The following COL6A2 variants were observed in gnomAD, a reference collection of about 807,000 sequenced individuals.
COL6A2 encodes the protein collagen alpha-2(VI) chain.
Under a neutral mutation model 124.9 loss-of-function variants are expected in COL6A2, and 90 were observed. The observed-to-expected ratio is 0.72, with a 90% CI of 0.61 to 0.86. The LOEUF (loss-of-function observed/expected upper bound fraction) is 0.86, where lower values mean the gene tolerates loss of function less well. Ranked by LOEUF, COL6A2 falls within the 40% of genes least tolerant of loss-of-function variation. The pLI is 0.00. For missense variants in COL6A2, 1,607 were observed against 1,502.5 expected (o/e 1.07, Z -1.15); for synonymous variants, 793 against 618.2 (o/e 1.28, Z -4.19).
In COL6A2 at chr21:46,116,447, G is replaced by C; in HGVS notation, c.927+44G>C. 1 of 1,611,612 alleles carries C rather than the reference G, an allele frequency of 6.2e-7. No individual in the cohort carries two copies. Among genetic ancestry groups the C allele is most frequent in the Non-Finnish European group, 8.5e-7 (1 of 1,179,338 alleles). On this transcript the variant is annotated intron_variant, in intron 8 of 27. Coordinates refer to ENST00000300527, the MANE Select transcript of COL6A2 (RefSeq NM_001849.4). This position sits in a 1 kb window ranked among gnomAD's most constrained non-coding sequence, Gnocchi z 4.6. ...CAGACCTCAGACCTGCGCCAGCCTC[G>C]GCCCAGACCCACCTCTTGGCGTCCG...
At chr21:46,102,402 C>T (rs1213720997) in intron 1 of COL6A2, among the ~76,000 whole-genome samples, 1 of 152,138 alleles carries the variant, frequency 6.6e-6, no homozygotes, top group Non-Finnish European at 1.5e-5. Context: ...TGCCCAATTG[C>T]TCTGGCCAGA....
At position 46,125,637 on chromosome 21, in the gene COL6A2, G is replaced by A. The variant is rs368312329; in HGVS notation, c.1969+20G>A. On this transcript the variant is annotated intron_variant, in intron 25 of 27. Transcript: ENST00000300527. ...AGACAGGTCAGCGGGGCAGGGGCGG[G>A]TGCAGCATTGCGGGGGGCCGGGCGG... 6.2e-6 allele frequency: 10 copies of A among 1,609,320 alleles called. No individual in the cohort carries two copies. In the African/African-American group the frequency reaches 8.0e-5, roughly 13 times the overall value.
chr21:46,124,820 G>C lies in COL6A2; in HGVS notation c.1735-65G>C, dbSNP rs373526415. 30 of 1,606,594 alleles carry C rather than the reference G, an allele frequency of 1.9e-5. No homozygotes were observed. In the African/African-American group the frequency reaches 3.6e-4, roughly 19 times the overall value. On this transcript the variant is annotated intron_variant, in intron 22 of 27. Transcript: ENST00000300527. ...TGGACCCACGTATCAGTGGGCAGTG[G>C]CCTGGGAGAGACTCAGCCACCCAGC...
chr21:46,129,129 C>T, intron 27 of COL6A2: 1 of 1,609,034 alleles, frequency 6.2e-7, no homozygotes, highest in Non-Finnish European at 8.5e-7. Flanking sequence ...GAGCGGCTGC[C>T]CGAGGAGGAG....
At chr21:46,127,324 G>T (rs900891233) in intron 27 of COL6A2, among the ~76,000 whole-genome samples, 70 of 152,140 alleles carry the variant, frequency 4.6e-4, no homozygotes, top group African/African-American at 1.7e-3. Flanking sequence ...CACGCGGGTC[G>T]CGGTGTGCGT....
chr21:46,110,376 A>T (rs1029636826), intron 1 of COL6A2, among the ~76,000 whole-genome samples: 1 of 152,144 alleles, frequency 6.6e-6, no homozygotes, highest in African/African-American at 2.4e-5. Flanking sequence ...AGGTTATGCA[A>T]CATTTAAAAA....
intron 1 of COL6A2, among the ~76,000 whole-genome samples, chr21:46,104,549 T>C (rs2078318130): frequency 6.6e-6 from 1 of 152,130 alleles, no homozygotes; most frequent in South Asian, 2.1e-4. Flanking sequence ...TGGGATACCA[T>C]CAAGCAAACC....
intron 18 of COL6A2, among the ~76,000 whole-genome samples, chr21:46,121,855 C>G (rs1344375908): frequency 6.6e-6 from 1 of 152,152 alleles, no homozygotes; most frequent in Non-Finnish European, 1.5e-5. Context: ...TGAGGCAGGG[C>G]CTGAGGGCAG....
intron 4 of COL6A2, chr21:46,113,026 T>G (rs2123618080): frequency 1.5e-6 from 1 of 677,510 alleles, no homozygotes; most frequent in Middle Eastern, 3.9e-4. Flanking sequence ...CCCGTGAGGG[T>G]CAGCGTTAGG....
chr21:46,117,276 C>A, intron 10 of COL6A2, 124 bp from the exon 11 acceptor site: 1 of 974,254 alleles, frequency 1.0e-6, no homozygotes, highest in Non-Finnish European at 1.6e-6. Flanking sequence ...TGTGGGCACC[C>A]GTGTGCCAGG....
At position 46,112,403 on chromosome 21, in the gene COL6A2, C is replaced by T; in HGVS notation, c.540C>T (p.Ala180=). ...CGGIKLQAER[A]REEGIRLFAV... Reference sequence around the variant, plus strand: ...GCATCAAGCTGCAGGCCGAGCGGGCCCGCGAGGAGGGCATCCGGCTCTTCG... The same window carrying T: ...GCATCAAGCTGCAGGCCGAGCGGGCTCGCGAGGAGGGCATCCGGCTCTTCG... The change falls in exon 3 of 28, where the codon GCC becomes GCT. Residue 180 remains alanine, a synonymous_variant. Transcript: ENST00000300527. The T allele has an allele frequency of 6.2e-7, 1 of 1,608,304 alleles. No individual in the cohort carries two copies. Among genetic ancestry groups the T allele is most frequent in the Admixed American group, 1.7e-5 (1 of 59,896 alleles).
intron 2 of COL6A2, 48 bp from the exon 3 acceptor site, chr21:46,111,931 C>T (rs746513358): frequency 6.4e-7 from 1 of 1,569,156 alleles, no homozygotes; most frequent in Non-Finnish European, 8.7e-7. Context: ...GGGGCTCCAA[C>T]AGCAGTCCCT....
rs1183927522 is a variant in COL6A2, at chr21:46,132,782, AGGCTCCTGACCTACCT to A, written c.*234_*249del. The A allele has an allele frequency of 5.1e-6, 3 of 589,040 alleles. No homozygotes were observed. In the African/African-American group the frequency reaches 5.6e-5, roughly 11 times the overall value. The allele number at this position is 589,040 out of a possible 1,614,324, so 36.5% of individuals were successfully genotyped here. A position where few individuals can be genotyped will look rare whatever the true frequency, so the allele number is the denominator to read the frequency against. On this transcript the variant is annotated 3_prime_UTR_variant, in exon 28 of 28. Transcript: ENST00000300527. Reference sequence around the variant, plus strand: ...CCTCCCTCCCCCTGCAGCCATCCCAAGGCTCCTGACCTACCTGGCCCCTGAGCTCTGGAGCAAGCCC... The same window carrying A: ...CCTCCCTCCCCCTGCAGCCATCCCAAGGCCCCTGAGCTCTGGAGCAAGCCC...
chr21:46,131,855 C>T, intron 27 of COL6A2, 99 bp from the exon 28 acceptor site: 4 of 1,148,150 alleles, frequency 3.5e-6, no homozygotes, highest in East Asian at 2.6e-5. Flanking sequence ...TGTGAGGTTG[C>T]AGGCAGGGTG....
chr21:46,118,264 C>G (rs183434452), intron 12 of COL6A2, among the ~76,000 whole-genome samples: 15 of 152,098 alleles, frequency 9.9e-5, no homozygotes, highest in African/African-American at 3.4e-4. Flanking sequence ...CCTCCTGGGC[C>G]GCCTGCAGTG....
chr21:46,114,633 T>G (rs1162938343), intron 5 of COL6A2, among the ~76,000 whole-genome samples: 1 of 152,242 alleles, frequency 6.6e-6, no homozygotes, highest in Non-Finnish European at 1.5e-5. Context: ...AAATGTGAGA[T>G]GCACTACACT....
rs2078245944 is a variant in COL6A2, at chr21:46,098,180, G to C, written c.-28+7G>C. Reference sequence around the variant, plus strand: ...GGAGCCTCCTCGGGACCAGGTGAGCGCCTCCCGGACCCCGCACCCTGGAAG... The same window carrying C: ...GGAGCCTCCTCGGGACCAGGTGAGCCCCTCCCGGACCCCGCACCCTGGAAG... On this transcript the variant is annotated splice_region_variant and intron_variant, in intron 1 of 27. Transcript: ENST00000300527. 1 of 152,112 alleles carries C rather than the reference G, an allele frequency of 6.6e-6. No homozygotes were observed. Among genetic ancestry groups the C allele is most frequent in the African/African-American group, 2.4e-5 (1 of 41,414 alleles). The allele number at this position is 152,112 out of a possible 1,614,324, so 9.4% of individuals were successfully genotyped here.
intron 10 of COL6A2, among the ~76,000 whole-genome samples, 193 bp from the exon 11 acceptor site, chr21:46,117,207 T>C (rs2078485795): frequency 6.6e-6 from 1 of 152,228 alleles, no homozygotes; most frequent in African/African-American, 2.4e-5. Context: ...GGATGGCCTG[T>C]TCCTGCACAA....
chr21:46,116,153 C>T lies in COL6A2; in HGVS notation c.900+100C>T. 7.8e-7 allele frequency: 1 copy of T among 1,283,358 alleles called. No individual in the cohort carries two copies. The allele number at this position is 1,283,358 out of a possible 1,614,324, so 79.5% of individuals were successfully genotyped here. On this transcript the variant is annotated intron_variant, in intron 7 of 27. Transcript: ENST00000300527. The surrounding 1 kb of genome is among the most constrained non-coding windows in gnomAD (Gnocchi z 4.6). ...CCTCGGCCTCAGCCTCTACGACCCT[C>T]CCCCCAGTTACCAAGGAACAGAAGC...
Sources: gnomAD v4.1 joint callset for allele counts (sites outside exome capture counted in the v4.1 genomes callset) on GRCh38, gnomAD v4.1.1 for gene constraint, Gnocchi (gnomAD v3.1) non-coding constraint, MANE v1.5 for transcripts, NCBI Gene and HGNC (gene_info 2026-07-23, HGNC 2026-07-21) for gene names.